The following PKHD1L1 variants were observed in gnomAD, a reference collection of about 807,000 sequenced individuals.
PKHD1L1 encodes the protein fibrocystin-L.
In PKHD1L1, 434 loss-of-function variants were observed where a neutral mutation model predicts 462.9. The ratio of observed to expected loss-of-function variants is 0.94; its 90% CI spans 0.87 to 1.02. The LOEUF (loss-of-function observed/expected upper bound fraction) is 1.02, where lower values mean the gene tolerates loss of function less well. Ranked by LOEUF, PKHD1L1 falls within the 50% of genes least tolerant of loss-of-function variation. The pLI is 0.00. For synonymous variants in PKHD1L1, 1,781 were observed against 1,750.0 expected (o/e 1.02, Z -0.44); for missense variants, 5,202 against 5,096.1 (o/e 1.02, Z -0.63).
rs34827783 is a variant in PKHD1L1, at chr8:109,500,673, C to CA, written c.10828+1928dup. ...TGGGCAACAGAGTAAAACTCTGTCT[C>CA]AAAAAAAAAAAAAAAAAAAAAAAAA... On this transcript the variant is annotated intron_variant, in intron 67 of 77. Coordinates refer to ENST00000378402, the MANE Select transcript of PKHD1L1 (RefSeq NM_177531.6). Among the ~76,000 whole-genome samples the CA allele has an allele frequency of 9.6e-3, 452 of 47,114 alleles. 27 individuals carry two copies. Among genetic ancestry groups the CA allele is most frequent in the East Asian group, 0.052 (69 of 1,326 alleles). The allele number at this position is 47,114 out of a possible 152,430, so 30.9% of individuals were successfully genotyped here.
At chr8:109,478,394 A>G (rs977531472) in intron 53 of PKHD1L1, among the ~76,000 whole-genome samples, 1 of 152,188 alleles carries the variant, frequency 6.6e-6, no homozygotes, top group African/African-American at 2.4e-5. Context: ...CAAACAAAAA[A>G]GTAAACAGAA....
At chr8:109,526,210 A>T (rs1442446450) in intron 76 of PKHD1L1, among the ~76,000 whole-genome samples, 2 of 152,232 alleles carry the variant, frequency 1.3e-5, no homozygotes, top group East Asian at 3.8e-4. Flanking sequence ...ATAAGGAAAA[A>T]GGGTCACAGC....
At chr8:109,485,944 G>A (rs942959484) in intron 58 of PKHD1L1, among the ~76,000 whole-genome samples, 3 of 151,856 alleles carry the variant, frequency 2.0e-5, no homozygotes, top group African/African-American at 7.3e-5. Context: ...ATTGTAATTA[G>A]TTGTAAAACA....
At chr8:109,468,561 C>T (rs960655257) in intron 50 of PKHD1L1, among the ~76,000 whole-genome samples, 3 of 152,164 alleles carry the variant, frequency 2.0e-5, no homozygotes, top group Non-Finnish European at 2.9e-5. Context: ...TGCAAATACT[C>T]AAACCAGATT....
chr8:109,418,712 T>TA (rs1289189455), intron 21 of PKHD1L1, among the ~76,000 whole-genome samples: 2 of 152,202 alleles, frequency 1.3e-5, no homozygotes, highest in Non-Finnish European at 2.9e-5. Flanking sequence ...GGACTGAACT[T>TA]ACTGTTCTAT....
chr8:109,407,609 C>G (rs12164209), intron 17 of PKHD1L1, among the ~76,000 whole-genome samples: 10,300 of 152,172 alleles, frequency 0.068, 533 homozygotes, highest in Admixed American at 0.17. Flanking sequence ...CCTCACAGAT[C>G]AGAGATTGTT....
intron 76 of PKHD1L1, among the ~76,000 whole-genome samples, chr8:109,523,724 G>T (rs1428631653): frequency 6.6e-6 from 1 of 152,114 alleles, no homozygotes; most frequent in Non-Finnish European, 1.5e-5. Flanking sequence ...AAAGGATAAG[G>T]TAGGCTCATA....
chr8:109,419,552 T>G (rs1814360625), intron 22 of PKHD1L1, among the ~76,000 whole-genome samples: 1 of 152,198 alleles, frequency 6.6e-6, no homozygotes, highest in South Asian at 2.1e-4. Context: ...TCTTTTTGCT[T>G]TGTTTTATTT....
chr8:109,418,201 T>G (rs371940380), intron 21 of PKHD1L1, among the ~76,000 whole-genome samples: 30 of 152,178 alleles, frequency 2.0e-4, no homozygotes, highest in East Asian at 1.2e-3. Flanking sequence ...AATTGCATAA[T>G]CAGTTGTACA....
chr8:109,410,729 T>TTTTTTTTTTTTTTTTG (rs1586454677), intron 19 of PKHD1L1, among the ~76,000 whole-genome samples: 1 of 58,912 alleles, frequency 1.7e-5, no homozygotes, highest in Non-Finnish European at 3.5e-5. Context: ...TCTTTTTCTT[T>TTTTTTTTTTTTTTTTG]TTTTTTTTTT....
At chr8:109,463,670 T>C (rs1817260456) in intron 48 of PKHD1L1, among the ~76,000 whole-genome samples, 1 of 152,188 alleles carries the variant, frequency 6.6e-6, no homozygotes, top group East Asian at 1.9e-4. Context: ...GCACCAGCTC[T>C]AGAGTTAGAC....
intron 50 of PKHD1L1, chr8:109,471,218 C>A (rs538658553): frequency 5.5e-6 from 4 of 724,000 alleles, no homozygotes; most frequent in South Asian, 3.3e-5. Context: ...CAGATGGTGT[C>A]ATTTAGTAAG....
chr8:109,525,710 CA>C (rs1007531407), intron 76 of PKHD1L1, among the ~76,000 whole-genome samples: 1 of 150,504 alleles, frequency 6.6e-6, no homozygotes, highest in Non-Finnish European at 1.5e-5. Context: ...ATTTGCTCAT[CA>C]AAAAAATTAA....
chr8:109,435,414 C>T, intron 29 of PKHD1L1, 60 bp downstream of exon 29: 1 of 1,546,900 alleles, frequency 6.5e-7, no homozygotes, highest in South Asian at 1.2e-5. Context: ...GTTCAATGTG[C>T]TGTTTCTAGT....
intron 72 of PKHD1L1, among the ~76,000 whole-genome samples, chr8:109,517,193 T>C (rs1046262498): frequency 2.6e-5 from 4 of 152,108 alleles, no homozygotes; most frequent in Non-Finnish European, 5.9e-5. Context: ...GTAGTGGTAG[T>C]GGTGTTTTTC....
intron 21 of PKHD1L1, among the ~76,000 whole-genome samples, chr8:109,414,673 C>T (rs563873250): frequency 1.4e-4 from 21 of 152,142 alleles, no homozygotes; most frequent in African/African-American, 5.1e-4. Context: ...TAGAATAGAA[C>T]TCTGTAACTC....
In PKHD1L1 at chr8:109,445,646, G is replaced by GGA; in HGVS notation, c.5776+1_5776+2insGA. The GGA allele has an allele frequency of 6.3e-7, 1 of 1,595,360 alleles. No homozygotes were observed. The highest frequency in any genetic ancestry group is 1.1e-5 in the South Asian group (1 of 89,676). ...CTCAGAGGAATTATCCCAAGCAGAG[G>GGA]TACTCCAATATCTGCCTTATTATCT... On this transcript the variant is annotated splice_donor_variant, in intron 38 of 77. Coordinates refer to ENST00000378402, the MANE Select transcript of PKHD1L1 (RefSeq NM_177531.6). LOFTEE classifies it high-confidence loss of function.
rs778940818 is a variant in PKHD1L1, at chr8:109,444,895, A to G, written c.5026A>G (p.Ser1676Gly). Residue 1676 changes from serine to glycine, a missense_variant, in exon 38 of 78, where the codon AGC becomes GGC. Ser to Gly is a moderately conservative substitution (Grantham distance 56). Transcript: ENST00000378402. Reference protein sequence around the residue: ...PNAGSTTGMTSVTIKGSGFAV... With the variant: ...PNAGSTTGMTGVTIKGSGFAV... Reference sequence around the variant, plus strand: ...TGCAGGATCAACTACAGGAATGACAAGCGTGACCATAAAAGGCTCTGGATT... The same window carrying G: ...TGCAGGATCAACTACAGGAATGACAGGCGTGACCATAAAAGGCTCTGGATT... 5 of 1,614,036 alleles carry G rather than the reference A, an allele frequency of 3.1e-6. No homozygotes were observed. In the Admixed American group the frequency reaches 5.0e-5, roughly 16 times the overall value.
chr8:109,533,558 T>C lies in PKHD1L1; in HGVS notation c.*3468T>C, dbSNP rs555164068. On this transcript the variant is annotated 3_prime_UTR_variant, in exon 78 of 78. Transcript: ENST00000378402. Reference sequence around the variant, plus strand: ...ACTTGCAGTGAGACTGATCAATTTCTGTGCAGTGGGTTACAAAAACAGACA... The same window carrying C: ...ACTTGCAGTGAGACTGATCAATTTCCGTGCAGTGGGTTACAAAAACAGACA... Among the ~76,000 whole-genome samples, 4 of 152,326 alleles carry C rather than the reference T, an allele frequency of 2.6e-5. No homozygotes were observed. In the South Asian group the frequency reaches 8.3e-4, roughly 32 times the overall value.
Sources: allele counts gnomAD v4.1 joint callset (sites outside exome capture counted in the v4.1 genomes callset), GRCh38; gene constraint gnomAD v4.1.1; transcripts MANE v1.5; gene names NCBI Gene and HGNC (gene_info 2026-07-23, HGNC 2026-07-21).